The following UGT1A8 variants were observed in gnomAD, a reference collection of about 807,000 sequenced individuals.
UGT1A8 encodes the protein UDP glucuronosyltransferase family 1 member A8.
UGT1A8 carries 39 observed loss-of-function variants against 45.3 expected under a neutral mutation model. The ratio of observed to expected loss-of-function variants is 0.86; its 90% CI spans 0.67 to 1.12. The LOEUF is 1.12. UGT1A8 is among the 50% of genes most tolerant of loss of function. The pLI is 0.00. For synonymous variants in UGT1A8, 275 were observed against 249.2 expected (o/e 1.10, Z -0.97); for missense variants, 719 against 664.9 (o/e 1.08, Z -0.90).
rs28900395 is a variant in UGT1A8 at position 233,758,981 on chromosome 2, G to A, written c.856-8053G>A. ...CAAATGCCTTTCCCCTGGATCTTGGGCCAGTGGAATGAGTACAATTTAACT... is the reference window on the plus strand; with the variant it reads ...CAAATGCCTTTCCCCTGGATCTTGGACCAGTGGAATGAGTACAATTTAACT... On this transcript the variant is annotated intron_variant, in intron 1 of 4. Transcript: ENST00000373450. 1.8e-4 allele frequency among the ~76,000 whole-genome samples: 28 copies of A among 152,260 alleles called. No homozygotes were observed. The East Asian group carries it at 5.2e-3, about 28-fold the overall frequency.
Position 233,713,865 on chromosome 2 carries a change from A to G in UGT1A8, c.856-53169A>G, listed in dbSNP as rs752542051. On this transcript the variant is annotated intron_variant, in intron 1 of 4. Coordinates refer to ENST00000373450, the MANE Select transcript of UGT1A8 (RefSeq NM_019076.5). ...CGGGAAGCCACTATCTCAGGTCTGT[A>G]TTGGTGCCTTTATCCAATCAATGTT... 5.8e-5 allele frequency: 93 copies of G among 1,613,866 alleles called. No individual in the cohort carries two copies. In the African/African-American group the frequency reaches 1.1e-3, roughly 20 times the overall value.
intron 1 of UGT1A8, among the ~76,000 whole-genome samples, chr2:233,623,435 C>T (rs2073043964): frequency 6.6e-6 from 1 of 152,076 alleles, no homozygotes; most frequent in Admixed American, 6.5e-5. Context: ...TTGAAGAGGT[C>T]TTCGCATCCT....
chr2:233,757,956 G>C (rs1696761467), intron 1 of UGT1A8, among the ~76,000 whole-genome samples: 1 of 152,144 alleles, frequency 6.6e-6, no homozygotes, highest in Admixed American at 6.5e-5. Flanking sequence ...CTGCCCTGCT[G>C]TGTGATTTCT....
chr2:233,772,615 T>C lies in UGT1A8; in HGVS notation c.*56T>C. ...AACCATTCCCTAGTCATTTCCAAAC[T>C]TGAAAACAGAATCAGTGTTAAATTC... On this transcript the variant is annotated 3_prime_UTR_variant, in exon 5 of 5. Coordinates refer to ENST00000373450, the MANE Select transcript of UGT1A8 (RefSeq NM_019076.5). 6.3e-7 allele frequency: 1 copy of C among 1,574,876 alleles called. No individual in the cohort carries two copies. The highest frequency in any genetic ancestry group is 8.6e-7 in the Non-Finnish European group (1 of 1,159,332).
chr2:233,693,063 T>C, intron 1 of UGT1A8: 1 of 1,614,188 alleles, frequency 6.2e-7, no homozygotes, highest in Admixed American at 1.7e-5. Context: ...TTCTTAGCAC[T>C]TTGGGGCATG....
chr2:233,656,098 A>G (rs1185431685), intron 1 of UGT1A8, among the ~76,000 whole-genome samples: 1 of 152,236 alleles, frequency 6.6e-6, no homozygotes, highest in East Asian at 1.9e-4. Flanking sequence ...AACAGGGTAA[A>G]CATACATATT....
intron 1 of UGT1A8, chr2:233,721,850 A>G: frequency 1.9e-6 from 1 of 514,452 alleles, no homozygotes; most frequent in Non-Finnish European, 3.9e-6. Context: ...GTCCAGCCCC[A>G]CTGCTCGGCC....
intron 1 of UGT1A8, among the ~76,000 whole-genome samples, chr2:233,727,284 G>C (rs1269402383): frequency 2.6e-5 from 4 of 152,162 alleles, no homozygotes; most frequent in Non-Finnish European, 5.9e-5. Flanking sequence ...GACCCTGGAA[G>C]CTGATGACTT....
chr2:233,772,593 C>A lies in UGT1A8; in HGVS notation c.*34C>A. The A allele has an allele frequency of 2.5e-6, 4 of 1,598,604 alleles. No individual in the cohort carries two copies. Among genetic ancestry groups the A allele is most frequent in the Non-Finnish European group, 3.4e-6 (4 of 1,171,794 alleles). On this transcript the variant is annotated 3_prime_UTR_variant, in exon 5 of 5. Transcript: ENST00000373450. The stretch of plus-strand genomic sequence containing the variant: ...TGGGAAATAAGGTAAAATTTTGAAC[C>A]ATTCCCTAGTCATTTCCAAACTTGA...
At chr2:233,692,438 A>C (rs1311287239) in intron 1 of UGT1A8, 1 of 155,598 alleles carries the variant, frequency 6.4e-6, no homozygotes, top group Admixed American at 6.2e-5. Context: ...AGTTGTGGGT[A>C]ACCTGGGGAC....
At chr2:233,675,198 C>A (rs6720862) in intron 1 of UGT1A8, among the ~76,000 whole-genome samples, 236 of 152,174 alleles carry the variant, frequency 1.6e-3, no homozygotes, top group African/African-American at 5.6e-3. Context: ...GCAGATGGCC[C>A]CGTCTTCAAT....
intron 1 of UGT1A8, chr2:233,743,535 C>T: frequency 7.3e-7 from 1 of 1,367,194 alleles, no homozygotes; most frequent in Non-Finnish European, 9.8e-7. Flanking sequence ...CCCAGCAGTT[C>T]CTCTGACCCC....
Position 233,744,040 on chromosome 2 carries a change from C to A in UGT1A8, c.856-22994C>A. 9 of 766,390 alleles carry A rather than the reference C, an allele frequency of 1.2e-5. No individual in the cohort carries two copies. In the South Asian group the frequency reaches 1.4e-4, roughly 12 times the overall value. 47.5% of individuals were successfully genotyped at this position (766,390 alleles called of 1,614,324 possible). On this transcript the variant is annotated intron_variant, in intron 1 of 4. Transcript: ENST00000373450. ...TGGAGAGACGCCCCTTATGACGCAG[C>A]CACATCTCATTGGTCGAGGCCTATG...
chr2:233,738,648 G>A (rs1199292214), intron 1 of UGT1A8, among the ~76,000 whole-genome samples: 1 of 152,164 alleles, frequency 6.6e-6, no homozygotes, highest in African/African-American at 2.4e-5. Flanking sequence ...AGAGCTCTTT[G>A]GAACTACGAA....
At position 233,772,297 on chromosome 2, in the gene UGT1A8, A is replaced by G; in HGVS notation, c.1331A>G (p.His444Arg). ...AACATCATGCGCCTCTCCAGCCTTC[A>G]CAAGGACCGCCCGGTGGAGCCGCTG... is the stretch of plus-strand genomic sequence containing the variant. ...KENIMRLSSL[H>R]KDRPVEPLDL... Residue 444 changes from histidine to arginine, a missense_variant, in exon 5 of 5, where the codon CAC becomes CGC. Coordinates refer to ENST00000373450, the MANE Select transcript of UGT1A8 (RefSeq NM_019076.5). The G allele has an allele frequency of 1.2e-6, 2 of 1,614,224 alleles. No homozygotes were observed. The highest frequency in any genetic ancestry group is 1.7e-6 in the Non-Finnish European group (2 of 1,180,032).
intron 1 of UGT1A8, among the ~76,000 whole-genome samples, chr2:233,625,290 T>C (rs1037327718): frequency 6.6e-6 from 1 of 151,980 alleles, no homozygotes; most frequent in African/African-American, 2.4e-5. Context: ...CAAGAAACAA[T>C]AGATGCTTGT....
chr2:233,635,457 T>A (rs1050866377), intron 1 of UGT1A8, among the ~76,000 whole-genome samples: 1 of 150,862 alleles, frequency 6.6e-6, no homozygotes, highest in Non-Finnish European at 1.5e-5. Context: ...TGTCGTATAC[T>A]TTTAAACAAT....
chr2:233,672,278 A>T (rs1189815184), intron 1 of UGT1A8: 2 of 1,613,626 alleles, frequency 1.2e-6, no homozygotes, highest in Admixed American at 3.3e-5. Context: ...TCATACAATG[A>T]CATTTTTGAC....
chr2:233,696,348 T>G (rs2075339428), intron 1 of UGT1A8, among the ~76,000 whole-genome samples: 1 of 152,086 alleles, frequency 6.6e-6, no homozygotes, highest in Non-Finnish European at 1.5e-5. Flanking sequence ...ATCTTTCACT[T>G]CCTTCCTTAA....
Sources: allele counts gnomAD v4.1 joint callset (sites outside exome capture counted in the v4.1 genomes callset), GRCh38; gene constraint gnomAD v4.1.1; transcripts MANE v1.5; gene names NCBI Gene and HGNC (gene_info 2026-07-23, HGNC 2026-07-21).